SORCS2: variants seen among roughly 807,000 people sequenced by gnomAD.
SORCS2 encodes VPS10 domain-containing receptor SorCS2.
SORCS2 carries 100 observed loss-of-function variants against 141.6 expected under a neutral mutation model. The observed-to-expected ratio is 0.71, with a 90% CI of 0.60 to 0.83. The LOEUF (loss-of-function observed/expected upper bound fraction) is 0.83. Among genes scored for constraint, SORCS2 ranks in the 40% least tolerant of loss-of-function variants. SORCS2 has a pLI of 0.00. For synonymous variants in SORCS2, 789 were observed against 676.9 expected, an observed-to-expected ratio of 1.17 and a Z score of -2.57; for missense variants, 1,646 against 1,560.2, an observed-to-expected ratio of 1.05 and a Z score of -0.93.
chr4:7,593,658 C>T (rs921014480), intron 3 of SORCS2, among the ~76,000 whole-genome samples: 29 of 145,792 alleles, frequency 2.0e-4, no homozygotes, highest in African/African-American at 5.3e-4. Flanking sequence ...AACCTGGGGG[C>T]GGGGGTGGGG....
At chr4:7,491,823 G>C (rs1168147039) in intron 2 of SORCS2, among the ~76,000 whole-genome samples, 1 of 152,164 alleles carries the variant, frequency 6.6e-6, no homozygotes, top group Non-Finnish European at 1.5e-5. Context: ...GCACCCATCA[G>C]GTCAGGAGGG....
At chr4:7,612,650 A>G (rs1473814057) in intron 3 of SORCS2, among the ~76,000 whole-genome samples, 17 of 152,160 alleles carry the variant, frequency 1.1e-4, no homozygotes, top group Admixed American at 9.2e-4. Context: ...AGCTCTTGCC[A>G]CCTGCCTCAG....
intron 1 of SORCS2, among the ~76,000 whole-genome samples, chr4:7,368,823 C>G (rs547927250): frequency 1.3e-5 from 2 of 152,292 alleles, no homozygotes; most frequent in South Asian, 4.1e-4. Flanking sequence ...GGGAGAAACC[C>G]GGTGGGAGGT....
chr4:7,450,579 G>A (rs957077191), intron 2 of SORCS2, among the ~76,000 whole-genome samples: 4 of 152,218 alleles, frequency 2.6e-5, no homozygotes, highest in Admixed American at 6.5e-5. Context: ...GGATGCATCC[G>A]TGCCTTCTCT....
chr4:7,497,169 C>T lies in SORCS2; in HGVS notation c.549-34361C>T, dbSNP rs530425444. Among the ~76,000 whole-genome samples, 104 of 152,366 alleles carry T rather than the reference C, an allele frequency of 6.8e-4. 1 individual carries two copies. Among genetic ancestry groups the T allele is most frequent in the Middle Eastern group, 6.8e-3 (2 of 294 alleles). ...CAGGCTTGAGGATCCGCATGGCGCT[C>T]TCTTCCCTGCCCCTGCCACACTCTG... On this transcript the variant is annotated intron_variant, in intron 2 of 26. Coordinates refer to ENST00000507866, the MANE Select transcript of SORCS2 (RefSeq NM_020777.3).
intron 1 of SORCS2, among the ~76,000 whole-genome samples, chr4:7,287,771 G>A (rs1445549447): frequency 2.6e-5 from 4 of 152,216 alleles, no homozygotes; most frequent in Non-Finnish European, 5.9e-5. Context: ...GTGGGCGGGC[G>A]TGGGTCTGCG....
At chr4:7,303,834 G>T (rs996062285) in intron 1 of SORCS2, among the ~76,000 whole-genome samples, 7 of 152,262 alleles carry the variant, frequency 4.6e-5, no homozygotes, top group Non-Finnish European at 1.0e-4. Context: ...AGAGCTCACC[G>T]TCCAGGCAGG....
chr4:7,345,063 C>T (rs944384318), intron 1 of SORCS2, among the ~76,000 whole-genome samples: 1 of 152,138 alleles, frequency 6.6e-6, no homozygotes, highest in African/African-American at 2.4e-5. Context: ...CACAAGTTTC[C>T]TCCCAGGGAC....
chr4:7,608,953 C>T (rs1451655074), intron 3 of SORCS2, among the ~76,000 whole-genome samples: 1 of 152,140 alleles, frequency 6.6e-6, no homozygotes, highest in Admixed American at 6.5e-5. Context: ...ACTAGTCATC[C>T]TTTCCAAAGT....
rs138859252 is a variant in SORCS2, at chr4:7,201,922, C to T, written c.480+8796C>T. Among the ~76,000 whole-genome samples the T allele has an allele frequency of 2.2e-3, 341 of 152,186 alleles. 2 individuals are homozygous for T. The Middle Eastern group carries it at 0.051, about 23-fold the overall frequency. Reference sequence around the variant, plus strand: ...CTGGCCACCGGGAGGGCAAGGTCTCCGTCTGTAGCTTTGGAAAGGTGAAGG... The same window carrying T: ...CTGGCCACCGGGAGGGCAAGGTCTCTGTCTGTAGCTTTGGAAAGGTGAAGG... On this transcript the variant is annotated intron_variant, in intron 1 of 26. Coordinates refer to ENST00000507866, the MANE Select transcript of SORCS2 (RefSeq NM_020777.3). The surrounding 1 kb of genome is among the most constrained non-coding windows in gnomAD (Gnocchi z 4.4).
intron 2 of SORCS2, among the ~76,000 whole-genome samples, chr4:7,472,742 A>T (rs1390721540): frequency 1.3e-5 from 2 of 152,120 alleles, no homozygotes; most frequent in African/African-American, 4.8e-5. Context: ...CTCCGCTGAG[A>T]CTGGTCCCCG....
At chr4:7,304,271 T>C (rs966423627) in intron 1 of SORCS2, among the ~76,000 whole-genome samples, 11 of 152,258 alleles carry the variant, frequency 7.2e-5, no homozygotes, top group African/African-American at 2.6e-4. Context: ...TCGACAGACA[T>C]GGGTCTGTGA....
chr4:7,499,909 GGT>G (rs1287610160), intron 2 of SORCS2, among the ~76,000 whole-genome samples: 1 of 152,066 alleles, frequency 6.6e-6, no homozygotes, highest in Non-Finnish European at 1.5e-5. Context: ...GAGGGTGCTG[GGT>G]GTGTCAGGTC....
intron 1 of SORCS2, among the ~76,000 whole-genome samples, chr4:7,352,186 T>C (rs542622570): frequency 5.3e-5 from 8 of 152,358 alleles, no homozygotes; most frequent in Non-Finnish European, 1.0e-4. Flanking sequence ...TGAAGTGTTC[T>C]CTGCAGCTCT....
intron 26 of SORCS2, 143 bp downstream of exon 26, chr4:7,737,315 G>A (rs1281020024): frequency 2.5e-6 from 3 of 1,219,400 alleles, no homozygotes; most frequent in Non-Finnish European, 3.3e-6. Flanking sequence ...CAGCGGGTCG[G>A]TCGGGCCCAC....
intron 1 of SORCS2, among the ~76,000 whole-genome samples, chr4:7,234,522 C>T (rs760472993): frequency 5.3e-5 from 8 of 152,322 alleles, no homozygotes; most frequent in Non-Finnish European, 8.8e-5. Flanking sequence ...ACTGGGCGGC[C>T]GACGTGGCCA....
chr4:7,624,527 T>A (rs1719401805), intron 3 of SORCS2, among the ~76,000 whole-genome samples: 1 of 152,242 alleles, frequency 6.6e-6, no homozygotes, highest in African/African-American at 2.4e-5. Flanking sequence ...GAGACAGTCT[T>A]AGGAGATTCC....
intron 8 of SORCS2, among the ~76,000 whole-genome samples, chr4:7,672,173 C>T (rs1577925072): frequency 6.6e-6 from 1 of 152,078 alleles, no homozygotes; most frequent in East Asian, 1.9e-4. Context: ...GAACTCCTGA[C>T]CTCAAGTGAT....
chr4:7,516,529 T>C (rs755147427), intron 2 of SORCS2, among the ~76,000 whole-genome samples: 1 of 152,110 alleles, frequency 6.6e-6, no homozygotes, highest in Non-Finnish European at 1.5e-5. Context: ...CTGCAGATTT[T>C]ATCCGCTTGC....
Sources: gnomAD v4.1 joint callset for allele counts (sites outside exome capture counted in the v4.1 genomes callset) on GRCh38, gnomAD v4.1.1 for gene constraint, Gnocchi (gnomAD v3.1) non-coding constraint, MANE v1.5 for transcripts, NCBI Gene and HGNC (gene_info 2026-07-23, HGNC 2026-07-21) for gene names.